CSMD1: variants seen among roughly 807,000 people sequenced by gnomAD.
CSMD1 encodes the protein CUB and sushi domain-containing protein 1.
A neutral mutation model predicts 417.5 loss-of-function variants in CSMD1; 213 were observed. That is an observed-to-expected ratio of 0.51 (90% CI 0.46 to 0.57). CSMD1 has a LOEUF of 0.57. Among genes scored for constraint, CSMD1 ranks in the 20% least tolerant of loss-of-function variants. The probability of loss-of-function intolerance (pLI) is 0.00; values close to 1 mark genes in which losing one functional copy is unlikely to be tolerated. For missense variants in CSMD1, 6,923 were observed against 4,529.7 expected, an observed-to-expected ratio of 1.53 and a Z score of -15.17; for synonymous variants, 2,862 against 1,736.8, an observed-to-expected ratio of 1.65 and a Z score of -16.11.
intron 2 of CSMD1, among the ~76,000 whole-genome samples, chr8:4,479,118 G>C (rs77357402): frequency 6.6e-6 from 1 of 152,092 alleles, no homozygotes; most frequent in Non-Finnish European, 1.5e-5. Context: ...TTCTGGCATA[G>C]AGAAAATTAC....
At chr8:3,785,347 CA>C (rs1241955087) in intron 5 of CSMD1, among the ~76,000 whole-genome samples, 2 of 152,124 alleles carry the variant, frequency 1.3e-5, no homozygotes, top group Admixed American at 1.3e-4. Context: ...AGGCCTCAGT[CA>C]GCAGTGGAAC....
intron 1 of CSMD1, among the ~76,000 whole-genome samples, chr8:4,813,736 A>T (rs904484151): frequency 6.6e-6 from 1 of 152,204 alleles, no homozygotes; most frequent in Non-Finnish European, 1.5e-5. Context: ...TAAACTACCG[A>T]CATACAGACT....
chr8:3,190,044 C>T lies in CSMD1; in HGVS notation c.5266G>A (p.Glu1756Lys). Residue 1756 changes from glutamate (E) to lysine (K), a missense_variant, in exon 34 of 70, where the codon GAG (glutamate) becomes AAG (lysine). Coordinates refer to ENST00000635120, the MANE Select transcript of CSMD1 (RefSeq NM_033225.6). ...EPRYGRRIGS[E>K]FSAGSIVRFE... is the part of the protein sequence containing the mutation. ...CGGACGATGGAGCCGGCAGAAAACT[C>T]AGAACCAATTCTCCTTCCGTATCTG... is the stretch of plus-strand genomic sequence containing the variant. The T allele has an allele frequency of 6.3e-7, 1 of 1,595,782 alleles. No individual in the cohort carries two copies. The highest frequency in any genetic ancestry group is 8.5e-7 in the Non-Finnish European group (1 of 1,171,384).
At chr8:4,283,715 CTTT>C (rs1195973139) in intron 3 of CSMD1, among the ~76,000 whole-genome samples, 1 of 152,046 alleles carries the variant, frequency 6.6e-6, no homozygotes, top group East Asian at 1.9e-4. Flanking sequence ...ACTTTTTATT[CTTT>C]TTAACTCCTC....
chr8:4,198,476 G>T (rs940298080), intron 3 of CSMD1, among the ~76,000 whole-genome samples: 24 of 152,160 alleles, frequency 1.6e-4, no homozygotes, highest in African/African-American at 5.6e-4. Context: ...GGATGAGAAA[G>T]AAATCACTAG....
In CSMD1 at chr8:4,322,820, C is replaced by G. The variant is rs536878397; in HGVS notation, c.415+97133G>C. On this transcript the variant is annotated intron_variant, in intron 3 of 69. Transcript: ENST00000635120. ...GACCAGCCTGGCCAACATGGTGAAACCCCAACTCTCCTACAAACACACAAA... is the reference window on the plus strand; with the variant it reads ...GACCAGCCTGGCCAACATGGTGAAAGCCCAACTCTCCTACAAACACACAAA... Among the ~76,000 whole-genome samples, 7 of 152,204 alleles carry G rather than the reference C, an allele frequency of 4.6e-5. No individual in the cohort carries two copies. The East Asian group carries it at 1.4e-3, about 30-fold the overall frequency.
At chr8:4,004,645 A>T (rs946107653) in intron 4 of CSMD1, among the ~76,000 whole-genome samples, 1 of 152,036 alleles carries the variant, frequency 6.6e-6, no homozygotes, top group Non-Finnish European at 1.5e-5. Flanking sequence ...GATTTCAATA[A>T]ATTTGTGTAT....
chr8:4,018,679 T>A (rs1273969307), intron 4 of CSMD1, among the ~76,000 whole-genome samples: 2 of 152,238 alleles, frequency 1.3e-5, no homozygotes, highest in South Asian at 4.1e-4. Flanking sequence ...TATTTGTTTC[T>A]CAATTTTAAG....
intron 5 of CSMD1, among the ~76,000 whole-genome samples, chr8:3,851,431 G>C (rs575239489): frequency 3.3e-4 from 51 of 152,272 alleles, no homozygotes; most frequent in African/African-American, 1.1e-3. Context: ...TCTCAGTGCT[G>C]AGTATTGCAC....
intron 3 of CSMD1, among the ~76,000 whole-genome samples, chr8:4,230,227 G>T (rs907946901): frequency 1.3e-5 from 2 of 152,070 alleles, no homozygotes; most frequent in African/African-American, 4.8e-5. Flanking sequence ...CTTAATAAAT[G>T]TTTGTGTTGC....
intron 5 of CSMD1, among the ~76,000 whole-genome samples, chr8:3,842,472 C>G (rs551712935): frequency 6.7e-4 from 102 of 152,116 alleles, no homozygotes; most frequent in African/African-American, 2.3e-3. Context: ...TTGTTCATTA[C>G]TAGTATTAAA....
At chr8:4,919,717 A>G (rs532245830) in intron 1 of CSMD1, among the ~76,000 whole-genome samples, 7 of 152,172 alleles carry the variant, frequency 4.6e-5, no homozygotes, top group East Asian at 1.9e-4. Context: ...GGTGTTGCCA[A>G]TGTGATAGTA....
At chr8:4,029,621 G>T (rs1420521911) in intron 4 of CSMD1, among the ~76,000 whole-genome samples, 1 of 152,076 alleles carries the variant, frequency 6.6e-6, no homozygotes, top group Non-Finnish European at 1.5e-5. Context: ...TGAGGTTTTG[G>T]TAGGGACACA....
chr8:3,823,958 T>C (rs1458251594), intron 5 of CSMD1, among the ~76,000 whole-genome samples: 1 of 152,244 alleles, frequency 6.6e-6, no homozygotes, highest in Admixed American at 6.5e-5. Flanking sequence ...ACAGATCAAA[T>C]AATTTAGTTT....
At chr8:3,167,130 CA>C (rs1420618819) in intron 37 of CSMD1, among the ~76,000 whole-genome samples, 3 of 151,906 alleles carry the variant, frequency 2.0e-5, no homozygotes, top group Non-Finnish European at 2.9e-5. Flanking sequence ...ACTAAGAATA[CA>C]AAAATTAGCC....
At chr8:4,507,164 T>A (rs377706084) in intron 2 of CSMD1, among the ~76,000 whole-genome samples, 1 of 152,174 alleles carries the variant, frequency 6.6e-6, no homozygotes, top group African/African-American at 2.4e-5. Context: ...TTCTGAAAGT[T>A]TACTGAAAAA....
At chr8:4,465,077 T>C (rs1401855790) in intron 2 of CSMD1, among the ~76,000 whole-genome samples, 3 of 152,142 alleles carry the variant, frequency 2.0e-5, no homozygotes, top group African/African-American at 7.2e-5. Flanking sequence ...TCAGTTTACC[T>C]GAAACGGAAC....
intron 3 of CSMD1, among the ~76,000 whole-genome samples, chr8:4,374,410 G>A (rs899006298): frequency 6.6e-6 from 1 of 152,158 alleles, no homozygotes; most frequent in Non-Finnish European, 1.5e-5. Flanking sequence ...GGGGCTGAAG[G>A]CACCTGAAAA....
chr8:4,210,102 C>T (rs905992960), intron 3 of CSMD1, among the ~76,000 whole-genome samples: 1 of 152,174 alleles, frequency 6.6e-6, no homozygotes, highest in Non-Finnish European at 1.5e-5. Flanking sequence ...ACCAGGAGAG[C>T]TCCTGATCAT....
Sources: gnomAD v4.1 joint callset for allele counts (sites outside exome capture counted in the v4.1 genomes callset) on GRCh38, gnomAD v4.1.1 for gene constraint, MANE v1.5 for transcripts, NCBI Gene and HGNC (gene_info 2026-07-23, HGNC 2026-07-21) for gene names.